Variants in RAD54B observed in about 807,000 individuals in gnomAD.
RAD54B encodes the protein DNA repair and recombination protein RAD54B.
RAD54B carries 78 observed loss-of-function variants against 95.8 expected under a neutral mutation model. The observed-to-expected ratio is 0.81, with a 90% CI of 0.68 to 0.98. RAD54B has a LOEUF of 0.98. Ranked by LOEUF, RAD54B falls within the 50% of genes least tolerant of loss-of-function variation. RAD54B has a pLI of 0.00. For missense variants in RAD54B, 957 were observed against 1,056.6 expected (o/e 0.91, Z 1.31); for synonymous variants, 328 against 354.9 (o/e 0.92, Z 0.85).
chr8:94,458,398 AT>A lies in RAD54B; in HGVS notation c.173del (p.Asn58MetfsTer8). 6.2e-7 allele frequency: 1 copy of A among 1,602,210 alleles called. No homozygotes were observed. The highest frequency in any genetic ancestry group is 1.1e-5 in the South Asian group (1 of 87,400). ...GATTTAAACTGCATATTCTAAGATC[AT>A]TTTGTGACGGGAGAAAGGTGTTATT... ...AINNTFLPSQ[N>X]DLRICSLNLP... On this transcript the variant is annotated frameshift_variant, in exon 3 of 15. Coordinates refer to ENST00000336148, the MANE Select transcript of RAD54B (RefSeq NM_012415.3). LOFTEE classifies it high-confidence loss of function.
At chr8:94,395,096 G>A (rs188399460) in intron 8 of RAD54B, among the ~76,000 whole-genome samples, 79 of 152,224 alleles carry the variant, frequency 5.2e-4, no homozygotes, top group African/African-American at 1.8e-3. Context: ...GAGAAAGAAC[G>A]GTAGAAGGAT....
intron 14 of RAD54B, among the ~76,000 whole-genome samples, chr8:94,374,829 A>G (rs1563632211): frequency 2.0e-5 from 3 of 152,216 alleles, no homozygotes; most frequent in Admixed American, 1.3e-4. Context: ...AATAATAGAT[A>G]TATCTAACAA....
At chr8:94,374,007 C>T (rs1164302650) in intron 14 of RAD54B, among the ~76,000 whole-genome samples, 5 of 152,160 alleles carry the variant, frequency 3.3e-5, no homozygotes, top group Non-Finnish European at 7.3e-5. Flanking sequence ...AGGCCGGGCG[C>T]AGTGGCTCAC....
intron 3 of RAD54B, among the ~76,000 whole-genome samples, chr8:94,453,901 C>G (rs745987617): frequency 2.4e-4 from 36 of 152,108 alleles, no homozygotes; most frequent in Non-Finnish European, 1.8e-4. Flanking sequence ...AAGCAATTCT[C>G]TGGCCTCAGC....
intron 3 of RAD54B, 93 bp from the exon 4 acceptor site, chr8:94,411,408 T>C (rs1281078881): frequency 4.4e-6 from 4 of 902,432 alleles, no homozygotes; most frequent in Admixed American, 3.5e-5. Context: ...ACAAGAAAAT[T>C]AGATTATATT....
intron 3 of RAD54B, chr8:94,432,140 G>A: frequency 1.9e-6 from 3 of 1,546,126 alleles, no homozygotes; most frequent in African/African-American, 1.4e-5. Context: ...CTTAGAGACT[G>A]TTATATTCAG....
chr8:94,432,793 A>T (rs1812147037), intron 3 of RAD54B: 2 of 1,148,312 alleles, frequency 1.7e-6, no homozygotes, highest in Admixed American at 3.5e-5. Flanking sequence ...AAAAAATCTT[A>T]AACACTTGAA....
At chr8:94,377,370 T>C (rs901106845) in intron 14 of RAD54B, among the ~76,000 whole-genome samples, 3 of 150,756 alleles carry the variant, frequency 2.0e-5, no homozygotes, top group African/African-American at 7.3e-5. Context: ...ATCTCGTCTC[T>C]ACAAAAAATA....
intron 1 of RAD54B, among the ~76,000 whole-genome samples, chr8:94,471,775 G>T (rs1813177461): frequency 6.6e-6 from 1 of 151,708 alleles, no homozygotes; most frequent in East Asian, 1.9e-4. Flanking sequence ...ATAGGGAAAA[G>T]TATCATTAAT....
chr8:94,442,388 T>A (rs10105255), intron 3 of RAD54B, among the ~76,000 whole-genome samples: 14 of 151,970 alleles, frequency 9.2e-5, no homozygotes, highest in Non-Finnish European at 1.8e-4. Context: ...CTGGCTAACA[T>A]GGTGAAACCC....
rs11281421 is a variant in RAD54B, at chr8:94,406,027, C to CACACACACATATAT, written c.781+1411_781+1412insATATATGTGTGTGT. Among the ~76,000 whole-genome samples, 13 of 150,538 alleles carry CACACACACATATAT rather than the reference C, an allele frequency of 8.6e-5. No homozygotes were observed. The East Asian group carries it at 2.5e-3, about 29-fold the overall frequency. ...TTACACACACACACACACACACACA[C>CACACACACATATAT]ATATATATAAAATTCACATGTACAC... On this transcript the variant is annotated intron_variant, in intron 5 of 14. Coordinates refer to ENST00000336148, the MANE Select transcript of RAD54B (RefSeq NM_012415.3).
chr8:94,390,978 A>G (rs554110820), intron 10 of RAD54B, among the ~76,000 whole-genome samples: 97 of 152,288 alleles, frequency 6.4e-4, no homozygotes, highest in Non-Finnish European at 1.1e-3. Flanking sequence ...GATGTCAGGT[A>G]TGGAATTTCC....
At chr8:94,451,508 T>C (rs1245978009) in intron 3 of RAD54B, among the ~76,000 whole-genome samples, 3 of 152,208 alleles carry the variant, frequency 2.0e-5, no homozygotes, top group East Asian at 1.9e-4. Context: ...TAACTCTCCA[T>C]AGATACTAAT....
intron 3 of RAD54B, among the ~76,000 whole-genome samples, chr8:94,425,207 A>G (rs1811914380): frequency 1.3e-5 from 2 of 151,122 alleles, no homozygotes; most frequent in South Asian, 4.2e-4. Flanking sequence ...TGTACAACCC[A>G]TAAACCTAAG....
intron 3 of RAD54B, among the ~76,000 whole-genome samples, chr8:94,416,970 T>C (rs180685885): frequency 1.6e-4 from 24 of 152,216 alleles, no homozygotes. Context: ...AGCCGACAGG[T>C]AGAAACAACC....
chr8:94,411,030 C>T, intron 4 of RAD54B, 91 bp downstream of exon 4: 2 of 987,024 alleles, frequency 2.0e-6, no homozygotes, highest in South Asian at 3.1e-5. Context: ...CTTATCATCT[C>T]TTTATAAAAC....
intron 10 of RAD54B, among the ~76,000 whole-genome samples, chr8:94,390,584 G>GATTTTATATATAATATATAT (rs1563638790): frequency 6.8e-6 from 1 of 147,656 alleles, no homozygotes; most frequent in African/African-American, 2.5e-5. Context: ...ATTATATATA[G>GATTTTATATATAATATATAT]AGATTTTATA....
At chr8:94,406,627 T>G (rs893692546) in intron 5 of RAD54B, among the ~76,000 whole-genome samples, 3 of 152,202 alleles carry the variant, frequency 2.0e-5, no homozygotes, top group African/African-American at 7.2e-5. Context: ...CGAATCTAAA[T>G]GATCTCAAAG....
chr8:94,391,862 AG>A lies in RAD54B; in HGVS notation c.1555del (p.Thr520LeufsTer16). 1 of 1,612,540 alleles carries A rather than the reference AG, an allele frequency of 6.2e-7. No individual in the cohort carries two copies. Among genetic ancestry groups the A allele is most frequent in the South Asian group, 1.1e-5 (1 of 90,476 alleles). ...GATAAAGAGTCCAGTGAGGCAAGTA[AG>A]TTCAGCTGCTCTTCTTTCTCCTAAC... ...KELGERRAAE[L>X]TCLTGLFILR... is the part of the protein sequence containing the mutation. On this transcript the variant is annotated frameshift_variant, in exon 10 of 15. Coordinates refer to ENST00000336148, the MANE Select transcript of RAD54B (RefSeq NM_012415.3). LOFTEE classifies it high-confidence loss of function.
Sources: allele counts gnomAD v4.1 joint callset (sites outside exome capture counted in the v4.1 genomes callset), GRCh38; gene constraint gnomAD v4.1.1; transcripts MANE v1.5; gene names NCBI Gene and HGNC (gene_info 2026-07-23, HGNC 2026-07-21).